Variants in GATA4 observed in about 807,000 individuals in gnomAD.
GATA4 encodes the protein transcription factor GATA-4.
GATA4 carries 7 observed loss-of-function variants against 37.9 expected under a neutral mutation model. That is an observed-to-expected ratio of 0.18 (90% CI 0.11 to 0.35). The LOEUF is 0.35. GATA4 is among the 10% of genes least tolerant of loss of function. The probability of loss-of-function intolerance (pLI) is 1.00; values close to 1 mark genes in which losing one functional copy is unlikely to be tolerated. For synonymous variants in GATA4, 372 were observed against 292.6 expected (o/e 1.27, Z -2.77); for missense variants, 647 against 653.0 (o/e 0.99, Z 0.10).
At position 11,709,858 on chromosome 8, in the gene GATA4, G is replaced by A. The variant is rs1438762514; in HGVS notation, c.616+930G>A. On this transcript the variant is annotated intron_variant, in intron 2 of 6. Coordinates refer to ENST00000532059, the MANE Select transcript of GATA4 (RefSeq NM_001308093.3). This position sits in a 1 kb window ranked among gnomAD's most constrained non-coding sequence, Gnocchi z 4.3. ...AGGGGCCTGAGTACACGGGCCGGGGGAGAAAGGGAAGTGGCAACCCCTAGT... is the reference window on the plus strand; with the variant it reads ...AGGGGCCTGAGTACACGGGCCGGGGAAGAAAGGGAAGTGGCAACCCCTAGT... Among the ~76,000 whole-genome samples the A allele has an allele frequency of 6.6e-6, 1 of 152,188 alleles. No homozygotes were observed.
In GATA4 at chr8:11,749,868, A is replaced by G. The variant is rs3735815; in HGVS notation, c.787-243A>G. Reference sequence around the variant, plus strand: ...CGGTGAATGATGGTTAGGACTGGAAACCAGGTCTCGATGCCCACGTTCGCT... The same window carrying G: ...CGGTGAATGATGGTTAGGACTGGAAGCCAGGTCTCGATGCCCACGTTCGCT... On this transcript the variant is annotated intron_variant, in intron 3 of 6. Coordinates refer to ENST00000532059, the MANE Select transcript of GATA4 (RefSeq NM_001308093.3). This position sits in a 1 kb window ranked among gnomAD's most constrained non-coding sequence, Gnocchi z 4.6. 0.059 allele frequency among the ~76,000 whole-genome samples: 8,988 copies of G among 152,286 alleles called. 736 individuals are homozygous for G. The highest frequency in any genetic ancestry group is 0.18 in the African/African-American group (7,559 of 41,538).
intron 1 of GATA4, chr8:11,681,047 C>A: frequency 1.1e-6 from 1 of 943,620 alleles, no homozygotes; most frequent in Non-Finnish European, 1.3e-6. Context: ...GATCTAATGC[C>A]TTCCTTCTCT....
At chr8:11,757,616 G>A (rs530863481) in intron 6 of GATA4, among the ~76,000 whole-genome samples, 30 of 152,356 alleles carry the variant, frequency 2.0e-4, no homozygotes, top group African/African-American at 7.0e-4. Context: ...GGATCCTGCA[G>A]AGGGCAGGCA....
chr8:11,703,451 C>A (rs1016236800), upstream of GATA4, among the ~76,000 whole-genome samples: 1 of 152,146 alleles, frequency 6.6e-6, no homozygotes. Context: ...TCCCCTGGAC[C>A]GCCTGGCTCC....
At position 11,757,550 on chromosome 8, in the gene GATA4, T is replaced by C. The variant is rs541957121; in HGVS notation, c.1149+467T>C. On this transcript the variant is annotated intron_variant, in intron 6 of 6. Coordinates refer to ENST00000532059, the MANE Select transcript of GATA4 (RefSeq NM_001308093.3). ...GTCTGCCTCCTACGTGCAGGGAGGTTAGACTTCAACAGGGAGGGTGGGGAA... is the reference window on the plus strand; with the variant it reads ...GTCTGCCTCCTACGTGCAGGGAGGTCAGACTTCAACAGGGAGGGTGGGGAA... 2.3e-4 allele frequency among the ~76,000 whole-genome samples: 35 copies of C among 152,278 alleles called. No homozygotes were observed. In the South Asian group the frequency reaches 7.0e-3, roughly 31 times the overall value.
At chr8:11,696,411 C>T (rs1020741049) in intron 1 of GATA4, among the ~76,000 whole-genome samples, 7 of 108,488 alleles carry the variant, frequency 6.5e-5, no homozygotes, top group African/African-American at 1.9e-4. Context: ...TGAATGCATT[C>T]GAGATTCATT....
At chr8:11,688,274 A>G (rs1294965187), upstream of GATA4, among the ~76,000 whole-genome samples, 3 of 152,240 alleles carry the variant, frequency 2.0e-5, no homozygotes, top group Non-Finnish European at 4.4e-5. Flanking sequence ...GAAATATGAA[A>G]AAGAATAATA....
At chr8:11,736,143 T>G (rs1801442642) in intron 2 of GATA4, among the ~76,000 whole-genome samples, 1 of 151,812 alleles carries the variant, frequency 6.6e-6, no homozygotes, top group Non-Finnish European at 1.5e-5. Flanking sequence ...ACTCCTGAGC[T>G]CAAGCCATAC....
chr8:11,735,087 G>A (rs377415398), intron 2 of GATA4, among the ~76,000 whole-genome samples: 3 of 152,224 alleles, frequency 2.0e-5, no homozygotes, highest in African/African-American at 7.2e-5. Flanking sequence ...GTTACACAGA[G>A]GCATCTACTG....
chr8:11,723,139 G>C (rs940190987), intron 2 of GATA4, among the ~76,000 whole-genome samples: 8 of 152,000 alleles, frequency 5.3e-5, no homozygotes, highest in African/African-American at 1.9e-4. Flanking sequence ...TTGAACCTAG[G>C]AGTTTGAAGC....
chr8:11,679,187 G>A (rs78817745), intron 1 of GATA4, among the ~76,000 whole-genome samples: 2 of 145,486 alleles, frequency 1.4e-5, no homozygotes, highest in South Asian at 4.7e-4. Flanking sequence ...TGCGGGGGGG[G>A]GCACTTTCGC....
chr8:11,680,401 G>A lies in GATA4; in HGVS notation c.-274+3338G>A, dbSNP rs142090810. The A allele has an allele frequency of 5.8e-4, 504 of 864,134 alleles. 5 individuals carry two copies. The African/African-American group carries it at 8.5e-3, about 15-fold the overall frequency. The allele number at this position is 864,134 out of a possible 1,614,324, so 53.5% of individuals were successfully genotyped here. On this transcript the variant is annotated intron_variant, in intron 1 of 6. Transcript: ENST00000528712. ...CCCTCGGATTCATTGCCACTTTCCC[G>A]CCCTCGGCCCACGAGGCTGAGGAGC...
At chr8:11,750,069 A>C (rs759227682) in intron 3 of GATA4, 42 bp from the exon 4 acceptor site, 1 of 1,613,552 alleles carries the variant, frequency 6.2e-7, no homozygotes, top group Non-Finnish European at 8.5e-7. Flanking sequence ...GGCAGTGCAC[A>C]CCTTTTACTT....
upstream of GATA4, among the ~76,000 whole-genome samples, chr8:11,688,754 G>A (rs1451451784): frequency 2.0e-5 from 3 of 152,184 alleles, no homozygotes; most frequent in African/African-American, 7.2e-5. Flanking sequence ...CATGAGAATA[G>A]TGTTAGGAAA....
chr8:11,724,143 C>CT (rs954754069), intron 2 of GATA4, among the ~76,000 whole-genome samples: 15 of 148,836 alleles, frequency 1.0e-4, no homozygotes, highest in African/African-American at 2.0e-4. Context: ...TGCAGCATGT[C>CT]TTTTTTTTTT....
At chr8:11,681,939 C>T (rs995823006) in intron 1 of GATA4, among the ~76,000 whole-genome samples, 4 of 152,132 alleles carry the variant, frequency 2.6e-5, no homozygotes, top group African/African-American at 9.7e-5. Flanking sequence ...GATCCTTGCC[C>T]CTCACAATAA....
At position 11,758,809 on chromosome 8, in the gene GATA4, A is replaced by G. The variant is rs2130357780; in HGVS notation, c.*334A>G. The G allele has an allele frequency of 8.0e-6, 3 of 376,038 alleles. No individual in the cohort carries two copies. The highest frequency in any genetic ancestry group is 2.3e-5 in the South Asian group (1 of 43,242). 23.3% of individuals were successfully genotyped at this position (376,038 alleles called of 1,614,324 possible). A position where few individuals can be genotyped will look rare whatever the true frequency, so the allele number is the denominator to read the frequency against. On this transcript the variant is annotated 3_prime_UTR_variant, in exon 7 of 7. Coordinates refer to ENST00000532059, the MANE Select transcript of GATA4 (RefSeq NM_001308093.3). ...ACCGTGGGTTTTGCATTGTGTTTCT[A>G]GCACCGAGGATCTGAGAACAAGCGG...
intron 1 of GATA4, chr8:11,694,483 C>G: frequency 1.0e-6 from 1 of 985,424 alleles, no homozygotes; most frequent in Non-Finnish European, 1.2e-6. Flanking sequence ...GAGCCGTGGA[C>G]TGCATCCTCA....
chr8:11,754,177 T>C (rs934318807), intron 4 of GATA4, among the ~76,000 whole-genome samples: 3 of 152,200 alleles, frequency 2.0e-5, no homozygotes, highest in Admixed American at 2.0e-4. Flanking sequence ...CTGTTGCTGT[T>C]GAGGCCAATT....
Sources: allele counts gnomAD v4.1 joint callset (sites outside exome capture counted in the v4.1 genomes callset), GRCh38; gene constraint gnomAD v4.1.1; non-coding constraint Gnocchi (gnomAD v3.1); transcripts MANE v1.5; gene names NCBI Gene and HGNC (gene_info 2026-07-23, HGNC 2026-07-21).